The following IL1RAPL1 variants were observed in gnomAD, a reference collection of about 807,000 sequenced individuals.
IL1RAPL1 encodes interleukin 1 receptor accessory protein like 1, also known as interleukin-1 receptor accessory protein-like 1.
In IL1RAPL1, 3 loss-of-function variants were observed where a neutral mutation model predicts 48.4. That is an observed-to-expected ratio of 0.06 (90% CI 0.03 to 0.16). The LOEUF is 0.16. IL1RAPL1 is among the 10% of genes least tolerant of loss of function. The pLI, the probability that IL1RAPL1 is intolerant of heterozygous loss-of-function variation, is 1.00. For missense variants in IL1RAPL1, 349 were observed against 530.6 expected (o/e 0.66, Z 3.36); for synonymous variants, 185 against 187.7 (o/e 0.99, Z 0.12).
intron 1 of IL1RAPL1, among the ~76,000 whole-genome samples, chrX:28,775,959 A>G (rs745855327): frequency 2.4e-4 from 27 of 112,205 alleles, no homozygotes; most frequent in Non-Finnish European, 3.6e-4. Context: ...CTCTACCCTC[A>G]TAATGTGTAT....
At chrX:29,835,877 CTTTTTT>C (rs763080058) in intron 6 of IL1RAPL1, among the ~76,000 whole-genome samples, 1 of 50,468 alleles carries the variant, frequency 2.0e-5, no homozygotes, top group African/African-American at 9.5e-5. Context: ...TTTGAGTCTT[CTTTTTT>C]TTTTTTTTTT....
intron 5 of IL1RAPL1, among the ~76,000 whole-genome samples, chrX:29,409,627 C>T (rs1934115178): frequency 9.0e-6 from 1 of 111,177 alleles, no homozygotes; most frequent in Admixed American, 9.6e-5. Context: ...GATGTTTTTA[C>T]TCTTGAGCAG....
chrX:29,802,747 TTATATATATA>T (rs1210417673), intron 6 of IL1RAPL1, among the ~76,000 whole-genome samples: 45 of 36,256 alleles, frequency 1.2e-3, no homozygotes, highest in Admixed American at 2.4e-3. Flanking sequence ...GAGGAAAAAA[TTATATATATA>T]TATATATATA....
At chrX:28,762,057 T>C (rs1191419754) in intron 1 of IL1RAPL1, among the ~76,000 whole-genome samples, 2 of 111,983 alleles carry the variant, frequency 1.8e-5, no homozygotes, top group African/African-American at 6.5e-5. Context: ...CAGATTGTGA[T>C]ACTTAATAAA....
At chrX:29,323,042 G>A (rs12014199) in intron 3 of IL1RAPL1, among the ~76,000 whole-genome samples, 4,336 of 111,797 alleles carry the variant, frequency 0.039, 212 homozygotes, top group African/African-American at 0.13. Context: ...CATGATCACA[G>A]CCAACCTCAC....
intron 1 of IL1RAPL1, among the ~76,000 whole-genome samples, chrX:28,666,728 A>G (rs1934883623): frequency 1.8e-5 from 2 of 112,101 alleles, no homozygotes; most frequent in African/African-American, 3.2e-5. Flanking sequence ...TCTGAATGAA[A>G]GCTTTCTATC....
At chrX:29,233,709 C>G (rs1159554473) in intron 2 of IL1RAPL1, among the ~76,000 whole-genome samples, 1 of 111,588 alleles carries the variant, frequency 9.0e-6, no homozygotes, top group Non-Finnish European at 1.9e-5. Context: ...TTACGTTATA[C>G]AGCAAAATGG....
chrX:29,098,168 T>C (rs773648593), intron 2 of IL1RAPL1, among the ~76,000 whole-genome samples: 2 of 111,726 alleles, frequency 1.8e-5, no homozygotes, highest in East Asian at 5.6e-4. Flanking sequence ...TAATCTTTCC[T>C]TTCTTTCTTT....
chrX:29,552,414 A>G lies in IL1RAPL1; in HGVS notation c.704-116016A>G, dbSNP rs184587240. ...TTTGTTTTTTTGTGCATGGGTACGTAGGTTTCTGTGATGATTTTACTAACT... is the reference window on the plus strand; with the variant it reads ...TTTGTTTTTTTGTGCATGGGTACGTGGGTTTCTGTGATGATTTTACTAACT... On this transcript the variant is annotated intron_variant, in intron 5 of 10. Coordinates refer to ENST00000378993, the MANE Select transcript of IL1RAPL1 (RefSeq NM_014271.4). Among the ~76,000 whole-genome samples the G allele has an allele frequency of 4.9e-3, 541 of 111,209 alleles. 3 individuals carry two copies. Among genetic ancestry groups the G allele is most frequent in the African/African-American group, 0.017 (514 of 30,604 alleles).
At chrX:28,941,887 A>T (rs751255274) in intron 2 of IL1RAPL1, among the ~76,000 whole-genome samples, 1 of 109,714 alleles carries the variant, frequency 9.1e-6, no homozygotes, top group Non-Finnish European at 1.9e-5. Flanking sequence ...ATAGGTTTTT[A>T]ATAAATCTAA....
chrX:29,187,833 A>G (rs956536160), intron 2 of IL1RAPL1, among the ~76,000 whole-genome samples: 1 of 111,420 alleles, frequency 9.0e-6, no homozygotes, highest in Non-Finnish European at 1.9e-5. Context: ...ATGCTGCCAT[A>G]GGAGAGACTC....
chrX:29,915,777 T>A (rs1176225112), intron 6 of IL1RAPL1, among the ~76,000 whole-genome samples: 2 of 95,970 alleles, frequency 2.1e-5, no homozygotes, highest in African/African-American at 7.8e-5. Flanking sequence ...ACTTTAAGTT[T>A]TAGGGTACAT....
chrX:29,178,469 A>G (rs1267292943), intron 2 of IL1RAPL1, among the ~76,000 whole-genome samples: 1 of 111,751 alleles, frequency 8.9e-6, no homozygotes. Context: ...AAATTTGTTC[A>G]AGTTCTTTAT....
intron 5 of IL1RAPL1, among the ~76,000 whole-genome samples, chrX:29,429,499 C>T: frequency 8.9e-6 from 1 of 111,883 alleles, no homozygotes; most frequent in Non-Finnish European, 1.9e-5. Flanking sequence ...TCAGTCTTCA[C>T]TCCTAAATGG....
intron 2 of IL1RAPL1, among the ~76,000 whole-genome samples, chrX:28,983,480 G>A (rs1168180626): frequency 8.9e-6 from 1 of 112,084 alleles, no homozygotes; most frequent in Non-Finnish European, 1.9e-5. Flanking sequence ...CTTCCCTCAT[G>A]AATTATGATT....
chrX:29,447,697 T>C (rs912189248), intron 5 of IL1RAPL1, among the ~76,000 whole-genome samples: 2 of 112,388 alleles, frequency 1.8e-5, no homozygotes, highest in Non-Finnish European at 3.8e-5. Flanking sequence ...AGAATAATTT[T>C]ATTCAAAGAA....
chrX:28,684,261 A>G (rs747634379), intron 1 of IL1RAPL1, among the ~76,000 whole-genome samples: 1 of 112,253 alleles, frequency 8.9e-6, no homozygotes, highest in East Asian at 2.8e-4. Context: ...CAGTGGCAAC[A>G]AAGACTCAAA....
intron 2 of IL1RAPL1, among the ~76,000 whole-genome samples, chrX:29,241,002 A>G (rs1335039614): frequency 8.9e-6 from 1 of 112,472 alleles, no homozygotes; most frequent in African/African-American, 3.2e-5. Context: ...CTTCAGGTCA[A>G]TTCTAAATTC....
At chrX:29,083,744 T>G (rs996339816) in intron 2 of IL1RAPL1, among the ~76,000 whole-genome samples, 21 of 111,780 alleles carry the variant, frequency 1.9e-4, no homozygotes, top group African/African-American at 5.9e-4. Context: ...GGGATAATAC[T>G]AAAGAAAATA....
Sources: allele counts gnomAD v4.1 joint callset (sites outside exome capture counted in the v4.1 genomes callset), GRCh38; gene constraint gnomAD v4.1.1; transcripts MANE v1.5; gene names NCBI Gene and HGNC (gene_info 2026-07-23, HGNC 2026-07-21).